The following FRMD4A variants were observed in gnomAD, a reference collection of about 807,000 sequenced individuals.
FRMD4A encodes FERM domain-containing protein 4A.
Under a neutral mutation model 129.1 loss-of-function variants are expected in FRMD4A, and 29 were observed. The ratio of observed to expected loss-of-function variants is 0.22; its 90% CI spans 0.17 to 0.31. The LOEUF is 0.31. Among genes scored for constraint, FRMD4A ranks in the 10% least tolerant of loss-of-function variants. The pLI is 1.00. For synonymous variants in FRMD4A, 634 were observed against 571.6 expected (o/e 1.11, Z -1.56); for missense variants, 1,272 against 1,375.8 (o/e 0.92, Z 1.19).
intron 2 of FRMD4A, among the ~76,000 whole-genome samples, chr10:14,042,487 G>A (rs571094823): frequency 6.6e-6 from 1 of 152,128 alleles, no homozygotes; most frequent in African/African-American, 2.4e-5. Context: ...AACTGCTGGC[G>A]AATGTACCCT....
chr10:13,828,515 G>A (rs778713123), intron 3 of FRMD4A, among the ~76,000 whole-genome samples: 10 of 123,068 alleles, frequency 8.1e-5, no homozygotes, highest in East Asian at 2.6e-4. Flanking sequence ...TGTATACCAT[G>A]TTTTCTTCTT....
At chr10:14,238,627 T>C (rs1843918090) in intron 2 of FRMD4A, among the ~76,000 whole-genome samples, 1 of 152,118 alleles carries the variant, frequency 6.6e-6, no homozygotes, top group African/African-American at 2.4e-5. Flanking sequence ...CAACCTGTCG[T>C]CTAGGTTTTA....
At position 13,688,276 on chromosome 10, in the gene FRMD4A, C is replaced by T. The variant is rs57152826; in HGVS notation, c.1117+5622G>A. Among the ~76,000 whole-genome samples the T allele has an allele frequency of 3.0e-3, 459 of 152,202 alleles. 3 individuals carry two copies. The highest frequency in any genetic ancestry group is 0.01 in the African/African-American group (435 of 41,516). On this transcript the variant is annotated intron_variant, in intron 15 of 24. Transcript: ENST00000357447. ...GGATGAAACTGGAAACCATCATTCT[C>T]GGCAAACTATAGCAAGCACAAAAAA... is the stretch of plus-strand genomic sequence containing the variant.
At chr10:14,116,367 C>A (rs750987377) in intron 2 of FRMD4A, among the ~76,000 whole-genome samples, 1 of 152,176 alleles carries the variant, frequency 6.6e-6, no homozygotes, top group Non-Finnish European at 1.5e-5. Context: ...ATGTTCATTC[C>A]TCTGTTAAGA....
At chr10:14,074,004 G>C (rs543738396) in intron 2 of FRMD4A, among the ~76,000 whole-genome samples, 22 of 152,114 alleles carry the variant, frequency 1.4e-4, no homozygotes, top group Admixed American at 2.6e-4. Context: ...CCAGCTACTC[G>C]GGAGGCTGAG....
chr10:13,680,394 G>C (rs1157845499), intron 15 of FRMD4A, among the ~76,000 whole-genome samples: 1 of 151,962 alleles, frequency 6.6e-6, no homozygotes, highest in Non-Finnish European at 1.5e-5. Flanking sequence ...GCTTTTGCAA[G>C]TGCAAACCTC....
chr10:13,654,383 T>A (rs2081957808), intron 23 of FRMD4A, 33 bp downstream of exon 23: 1 of 1,334,844 alleles, frequency 7.5e-7, no homozygotes, highest in Non-Finnish European at 1.1e-6. Flanking sequence ...TCTTTCGAGC[T>A]GACACAGTGA....
rs1202216826 is a variant in FRMD4A, at chr10:13,650,053, A to G, written c.*2+1850T>C. ...TGCAAGAATGCCCTTTCCCAGGGCT[A>G]TGCTCAGAGATGTGTGGCCTGCAAA... On this transcript the variant is annotated intron_variant, in intron 24 of 24. Transcript: ENST00000357447. Among the ~76,000 whole-genome samples the G allele has an allele frequency of 3.3e-5, 5 of 152,224 alleles. No individual in the cohort carries two copies. The East Asian group carries it at 7.7e-4, about 23-fold the overall frequency.
At chr10:13,695,192 G>T (rs1027633523) in intron 14 of FRMD4A, among the ~76,000 whole-genome samples, 1 of 151,668 alleles carries the variant, frequency 6.6e-6, no homozygotes, top group African/African-American at 2.4e-5. Flanking sequence ...CCAGGCTGGA[G>T]TGCAGTGGCC....
chr10:13,715,699 A>C (rs1178278645), intron 12 of FRMD4A, among the ~76,000 whole-genome samples: 1 of 152,114 alleles, frequency 6.6e-6, no homozygotes, highest in Non-Finnish European at 1.5e-5. Context: ...TGAGGTCAGG[A>C]GTTTGAGACC....
At chr10:13,688,517 A>G (rs1353788838) in intron 15 of FRMD4A, among the ~76,000 whole-genome samples, 4 of 152,148 alleles carry the variant, frequency 2.6e-5, no homozygotes, top group Admixed American at 1.3e-4. Flanking sequence ...CACCTTGTGC[A>G]CATGTACCCT....
intron 2 of FRMD4A, among the ~76,000 whole-genome samples, chr10:13,926,223 C>T (rs2095132099): frequency 2.0e-5 from 3 of 152,152 alleles, no homozygotes; most frequent in African/African-American, 7.2e-5. Flanking sequence ...ATTTGTCAGC[C>T]TGCCCTGGCC....
rs142248106 is a variant in FRMD4A at position 13,778,233 on chromosome 10, A to ATT, written c.384+4687_384+4688dup. Reference sequence around the variant, plus strand: ...TTGGTTTCAAAGCGCTTTCACATTTATTTAAAAAAAAAACCTGATACTCTT... The same window carrying ATT: ...TTGGTTTCAAAGCGCTTTCACATTTATTTTTAAAAAAAAAACCTGATACTCTT... On this transcript the variant is annotated intron_variant, in intron 6 of 24. Transcript: ENST00000357447. 3.4e-3 allele frequency among the ~76,000 whole-genome samples: 520 copies of ATT among 151,106 alleles called. 2 individuals carry two copies. Among genetic ancestry groups the ATT allele is most frequent in the African/African-American group, 0.012 (496 of 41,426 alleles).
intron 2 of FRMD4A, among the ~76,000 whole-genome samples, chr10:14,312,097 C>A (rs1013796871): frequency 1.3e-5 from 2 of 152,224 alleles, no homozygotes; most frequent in African/African-American, 2.4e-5. Context: ...CGTCATAAAC[C>A]ATTTCCTCAG....
intron 2 of FRMD4A, among the ~76,000 whole-genome samples, chr10:14,024,832 T>C (rs1183475828): frequency 6.6e-6 from 1 of 152,236 alleles, no homozygotes. Flanking sequence ...ACTGTCTGAC[T>C]CTGATATTTA....
chr10:14,016,118 C>T (rs1178579349), intron 2 of FRMD4A, among the ~76,000 whole-genome samples: 2 of 152,222 alleles, frequency 1.3e-5, no homozygotes, highest in Admixed American at 1.3e-4. Flanking sequence ...CTGGCCTTAG[C>T]CCTGAGTCTG....
intron 18 of FRMD4A, among the ~76,000 whole-genome samples, chr10:13,665,150 G>A (rs1161764559): frequency 1.3e-5 from 2 of 152,122 alleles, no homozygotes; most frequent in East Asian, 3.8e-4. Context: ...GGGATTACAG[G>A]TGTGAGCCAC....
intron 2 of FRMD4A, among the ~76,000 whole-genome samples, chr10:14,047,884 T>C (rs770706428): frequency 6.6e-6 from 1 of 152,190 alleles, no homozygotes; most frequent in African/African-American, 2.4e-5. Context: ...AGGGCCTGTG[T>C]AGACTATTGA....
intron 2 of FRMD4A, among the ~76,000 whole-genome samples, chr10:13,983,993 ACT>A (rs945333165): frequency 2.0e-5 from 3 of 148,910 alleles, no homozygotes; most frequent in Admixed American, 6.7e-5. Context: ...GCAGAAGGAG[ACT>A]CTGTCTCAAA....
Sources: gnomAD v4.1 joint callset for allele counts (sites outside exome capture counted in the v4.1 genomes callset) on GRCh38, gnomAD v4.1.1 for gene constraint, MANE v1.5 for transcripts, NCBI Gene and HGNC (gene_info 2026-07-23, HGNC 2026-07-21) for gene names.